SERPINB3: variants seen among roughly 807,000 people sequenced by gnomAD.
SERPINB3 encodes serpin B3.
Under a neutral mutation model 33.0 loss-of-function variants are expected in SERPINB3, and 33 were observed. The observed-to-expected ratio is 1.00, with a 90% CI of 0.76 to 1.34. The LOEUF is 1.34. SERPINB3 is among the 40% of genes most tolerant of loss of function. The pLI, the probability that SERPINB3 is intolerant of heterozygous loss-of-function variation, is 0.00. For missense variants in SERPINB3, 518 were observed against 461.5 expected (o/e 1.12, Z -1.12); for synonymous variants, 200 against 170.9 (o/e 1.17, Z -1.33).
chr18:63,656,230 A>G (rs117964909), intron 7 of SERPINB3, among the ~76,000 whole-genome samples, 169 bp from the exon 8 acceptor site: 3,193 of 152,312 alleles, frequency 0.021, 45 homozygotes, highest in Non-Finnish European at 0.028. Context: ...AGTCCTGGAT[A>G]TATAAATACA....
intron 4 of SERPINB3, chr18:63,659,189 AT>A: frequency 1.7e-6 from 1 of 598,480 alleles, no homozygotes; most frequent in South Asian, 1.9e-5. Context: ...TTATTACAAG[AT>A]TATCCCTAAA....
At chr18:63,660,533 A>G (rs1913613826) in intron 3 of SERPINB3, among the ~76,000 whole-genome samples, 1 of 152,114 alleles carries the variant, frequency 6.6e-6, no homozygotes, top group Non-Finnish European at 1.5e-5. Flanking sequence ...CATGTTCACC[A>G]TTTGTGAAGA....
At chr18:63,660,296 CCTCTTTATCTCATTAATGA>C (rs1335124021) in intron 3 of SERPINB3, among the ~76,000 whole-genome samples, 1 of 152,008 alleles carries the variant, frequency 6.6e-6, no homozygotes, top group African/African-American at 2.4e-5. Flanking sequence ...TGTGCTTATT[CCTCTTTATCTCATTAATGA>C]CTCAATGAAA....
At chr18:63,660,463 C>T (rs4048369) in intron 3 of SERPINB3, among the ~76,000 whole-genome samples, 45,271 of 151,592 alleles carry the variant, frequency 0.3, 7,074 homozygotes, top group East Asian at 0.61. Flanking sequence ...AGTCAGATTT[C>T]TTATTACCCT....
chr18:63,656,991 A>G lies in SERPINB3; in HGVS notation c.613-5T>C, dbSNP rs1402065546. 4.4e-6 allele frequency: 7 copies of G among 1,596,534 alleles called. No individual in the cohort carries two copies. The highest frequency in any genetic ancestry group is 6.0e-6 in the Non-Finnish European group (7 of 1,168,412). The stretch of plus-strand genomic sequence containing the variant: ...CTGTATGGACTTGTATGTATTCTAC[A>G]ATAAATCAATGTGTCCAACAAATAC... On this transcript the variant is annotated splice_polypyrimidine_tract_variant and splice_region_variant and intron_variant, in intron 6 of 7. Coordinates refer to ENST00000283752, the MANE Select transcript of SERPINB3 (RefSeq NM_006919.3).
chr18:63,660,938 C>G, intron 2 of SERPINB3, 82 bp from the exon 3 acceptor site: 2 of 1,611,536 alleles, frequency 1.2e-6, no homozygotes, highest in Non-Finnish European at 1.7e-6. Flanking sequence ...ACGGGAATTC[C>G]TGCTCAGCCC....
chr18:63,655,439 A>G lies in SERPINB3; in HGVS notation c.*218T>C, dbSNP rs1245444676. The G allele has an allele frequency of 4.4e-5, 22 of 501,422 alleles. No individual in the cohort carries two copies. Among genetic ancestry groups the G allele is most frequent in the Non-Finnish European group, 7.2e-5 (21 of 293,446 alleles). 31.1% of individuals were successfully genotyped at this position (501,422 alleles called of 1,614,324 possible). ...ATTTTGGACATTTTTCCTCAAGGAG[A>G]ATTTTTCTGGAAGAAAAAGTACATT... On this transcript the variant is annotated 3_prime_UTR_variant, in exon 8 of 8. Coordinates refer to ENST00000283752, the MANE Select transcript of SERPINB3 (RefSeq NM_006919.3).
chr18:63,660,516 T>C (rs750373360), intron 3 of SERPINB3, among the ~76,000 whole-genome samples: 2 of 152,138 alleles, frequency 1.3e-5, no homozygotes, highest in Non-Finnish European at 2.9e-5. Flanking sequence ...AGCAGTTGTG[T>C]CCTGCTCATG....
rs772629497 is a variant in SERPINB3, at chr18:63,659,345, A to G, written c.351+54T>C. The G allele has an allele frequency of 1.9e-6, 3 of 1,587,952 alleles. No individual in the cohort carries two copies. In the East Asian group the frequency reaches 6.7e-5, roughly 36 times the overall value. On this transcript the variant is annotated intron_variant, in intron 4 of 7. Transcript: ENST00000283752. The stretch of plus-strand genomic sequence containing the variant: ...CTTGCTTTCTTCCATTTGGCCACTC[A>G]GAGACACAGACATCAGGATGCAAAT...
At chr18:63,659,602 A>G in intron 3 of SERPINB3, 75 bp from the exon 4 acceptor site, 1 of 1,597,094 alleles carries the variant, frequency 6.3e-7, no homozygotes, top group South Asian at 1.1e-5. Context: ...AGTCTGTTAG[A>G]TCAGTCCCTA....
chr18:63,659,030 A>C (rs987888755), intron 4 of SERPINB3, among the ~76,000 whole-genome samples: 5 of 152,124 alleles, frequency 3.3e-5, no homozygotes, highest in African/African-American at 1.2e-4. Flanking sequence ...TATTCTCAGG[A>C]ACTCACCCAA....
chr18:63,655,715 A>T lies in SERPINB3; in HGVS notation c.1115T>A (p.Phe372Tyr), dbSNP rs770652430. The T allele has an allele frequency of 6.2e-7, 1 of 1,613,884 alleles. No individual in the cohort carries two copies. Among genetic ancestry groups the T allele is most frequent in the Non-Finnish European group, 8.5e-7 (1 of 1,179,868 alleles). ...EFHCNHPFLFFIRQNKTNSIL... is the reference protein window; with the variant it reads ...EFHCNHPFLFYIRQNKTNSIL... Reference sequence around the variant, plus strand: ...GCTGTTGGTCTTATTTTGCCTTATGAAGAATAGGAAAGGGTGATTACAATG... The same window carrying T: ...GCTGTTGGTCTTATTTTGCCTTATGTAGAATAGGAAAGGGTGATTACAATG... The change falls in exon 8 of 8, where the codon TTC (phenylalanine) becomes TAC (tyrosine). Residue 372 changes from phenylalanine to tyrosine, a missense_variant. By Grantham distance (22) the Phe-to-Tyr change is conservative. Transcript: ENST00000283752.
intron 5 of SERPINB3, 115 bp downstream of exon 5, chr18:63,658,398 T>G (rs2144494454): frequency 2.4e-6 from 2 of 839,664 alleles, no homozygotes; most frequent in East Asian, 2.5e-5. Context: ...GCCCTCTTCT[T>G]CCCTCCCTGC....
In SERPINB3 at chr18:63,655,897, A is replaced by G; in HGVS notation, c.933T>C (p.Asp311=). ...TMGMVDIFNG[D]ADLSGMTGSR... ...TCCCGGTCATGCCTGAGAGGTCTGC[A>G]TCCCCATTGAAGATATCCACCATTC... is the stretch of plus-strand genomic sequence containing the variant. Residue 311 remains aspartate, a synonymous_variant, in exon 8 of 8, where the codon GAT becomes GAC. Transcript: ENST00000283752. The G allele has an allele frequency of 6.2e-7, 1 of 1,613,998 alleles. No homozygotes were observed. Among genetic ancestry groups the G allele is most frequent in the Non-Finnish European group, 8.5e-7 (1 of 1,179,948 alleles).
At position 63,661,210 on chromosome 18, in the gene SERPINB3, A is replaced by G. The variant is rs897686194; in HGVS notation, c.7T>C (p.Ser3Pro). 3 of 1,613,170 alleles carry G rather than the reference A, an allele frequency of 1.9e-6. No individual in the cohort carries two copies. The African/African-American group carries it at 4.0e-5, about 22-fold the overall frequency. MN[S>P]LSEANTKFMF... ...AACTTGGTGTTGGCTTCACTGAGTG[A>G]ATTCATGGTGAACTCGATGTGATCT... The change falls in exon 2 of 8, where the codon TCA becomes CCA. Residue 3 changes from serine (S) to proline (P), a missense_variant. By Grantham distance (74) the Ser-to-Pro change is moderately conservative. Transcript: ENST00000283752.
At position 63,655,956 on chromosome 18, in the gene SERPINB3, T is replaced by A. The variant is rs1321041720; in HGVS notation, c.874A>T (p.Ser292Cys). ...LHLPRFKVEE[S>C]YDLKDTLRTM... ...CTCAACGTGTCCTTGAGGTCATAGC[T>A]CTCTTCCACTTTGAACCGAGGTAAG... is the stretch of plus-strand genomic sequence containing the variant. Residue 292 changes from serine to cysteine, a missense_variant, in exon 8 of 8, where the codon AGC becomes TGC. Transcript: ENST00000283752. 1 of 1,614,002 alleles carries A rather than the reference T, an allele frequency of 6.2e-7. No homozygotes were observed. The highest frequency in any genetic ancestry group is 8.5e-7 in the Non-Finnish European group (1 of 1,179,952).
intron 7 of SERPINB3, among the ~76,000 whole-genome samples, chr18:63,656,486 C>T (rs903339708): frequency 5.1e-4 from 77 of 152,086 alleles, no homozygotes; most frequent in African/African-American, 1.8e-3. Flanking sequence ...AATTGCAATT[C>T]CCCAAATTCC....
chr18:63,657,485 T>A, intron 5 of SERPINB3, 73 bp from the exon 6 acceptor site: 1 of 1,282,200 alleles, frequency 7.8e-7, no homozygotes, highest in Non-Finnish European at 1.1e-6. Flanking sequence ...TTTGCAAATG[T>A]TCGTGACTGA....
In SERPINB3 at chr18:63,659,443, T is replaced by A. The variant is rs761341912; in HGVS notation, c.307A>T (p.Ile103Phe). Residue 103 changes from isoleucine to phenylalanine, a missense_variant, in exon 4 of 8, where the codon ATC becomes TTC. Transcript: ENST00000283752. ...TTTTCTCCGAAGAGCTTGTTGGCGATCTTCAGCTCATATGCATCAGTGGAT... is the reference window on the plus strand; with the variant it reads ...TTTTCTCCGAAGAGCTTGTTGGCGAACTTCAGCTCATATGCATCAGTGGAT... ...NKSTDAYELKIANKLFGEKTY... is the reference protein window; with the variant it reads ...NKSTDAYELKFANKLFGEKTY... 2.5e-6 allele frequency: 4 copies of A among 1,613,664 alleles called. No homozygotes were observed. The highest frequency in any genetic ancestry group is 2.5e-6 in the Non-Finnish European group (3 of 1,179,678).
Sources: gnomAD v4.1 joint callset for allele counts (sites outside exome capture counted in the v4.1 genomes callset) on GRCh38, gnomAD v4.1.1 for gene constraint, MANE v1.5 for transcripts, NCBI Gene and HGNC (gene_info 2026-07-23, HGNC 2026-07-21) for gene names.